Variants in IMMP2L observed in about 807,000 individuals in gnomAD.
The protein encoded by IMMP2L is inner mitochondrial membrane peptidase subunit 2.
A neutral mutation model predicts 19.3 loss-of-function variants in IMMP2L; 18 were observed. The observed-to-expected ratio is 0.93, with a 90% CI of 0.64 to 1.38. IMMP2L has a LOEUF of 1.38. Among genes scored for constraint, IMMP2L ranks in the 40% most tolerant of loss-of-function variants. The pLI is 0.00. For missense variants in IMMP2L, 233 were observed against 218.2 expected, an observed-to-expected ratio of 1.07 and a Z score of -0.43; for synonymous variants, 76 against 73.0, an observed-to-expected ratio of 1.04 and a Z score of -0.21.
intron 5 of IMMP2L, among the ~76,000 whole-genome samples, chr7:110,751,823 C>T (rs747313431): frequency 3.4e-4 from 51 of 151,788 alleles, no homozygotes; most frequent in Admixed American, 9.2e-4. Context: ...TTTAAAAAAA[C>T]CTAATAATAT....
intron 3 of IMMP2L, among the ~76,000 whole-genome samples, chr7:111,099,117 TATC>T (rs1228198791): frequency 6.6e-6 from 1 of 151,714 alleles, no homozygotes; most frequent in Admixed American, 6.6e-5. Flanking sequence ...TAACTTCCTC[TATC>T]ATCATTTTTC....
At chr7:111,441,143 T>C (rs757206411) in intron 3 of IMMP2L, among the ~76,000 whole-genome samples, 3 of 151,900 alleles carry the variant, frequency 2.0e-5, no homozygotes, top group Non-Finnish European at 4.4e-5. Context: ...TATTTCACTT[T>C]CTCATCATCC....
At chr7:111,359,325 A>G (rs1829032365) in intron 3 of IMMP2L, among the ~76,000 whole-genome samples, 1 of 152,030 alleles carries the variant, frequency 6.6e-6, no homozygotes, top group Non-Finnish European at 1.5e-5. Context: ...TTAATGAGAC[A>G]GAGTCTCTCT....
chr7:110,802,059 A>G (rs768029572), intron 5 of IMMP2L, among the ~76,000 whole-genome samples: 7 of 152,068 alleles, frequency 4.6e-5, no homozygotes, highest in Non-Finnish European at 8.8e-5. Context: ...TTTACAACAT[A>G]TATTCTTTGC....
chr7:111,127,806 C>A (rs548973204), intron 3 of IMMP2L, among the ~76,000 whole-genome samples: 7 of 152,186 alleles, frequency 4.6e-5, no homozygotes, highest in Non-Finnish European at 8.8e-5. Flanking sequence ...GAGAAAAACA[C>A]CTTGGCACAA....
At chr7:110,921,251 A>G (rs991540851) in intron 4 of IMMP2L, among the ~76,000 whole-genome samples, 2 of 152,274 alleles carry the variant, frequency 1.3e-5, no homozygotes, top group Non-Finnish European at 2.9e-5. Flanking sequence ...TCCACACTTC[A>G]CTGTTTTAAA....
At chr7:110,992,577 A>G (rs1307986650) in intron 3 of IMMP2L, among the ~76,000 whole-genome samples, 1 of 151,756 alleles carries the variant, frequency 6.6e-6, no homozygotes, top group Non-Finnish European at 1.5e-5. Context: ...TTACTTTCTT[A>G]AAAAATACCT....
chr7:111,296,120 T>C (rs1453854509), intron 3 of IMMP2L, among the ~76,000 whole-genome samples: 1 of 151,692 alleles, frequency 6.6e-6, no homozygotes, highest in Non-Finnish European at 1.5e-5. Context: ...GGAGAAAATA[T>C]TTGCAATAAG....
chr7:110,705,638 T>C (rs1328892009), intron 5 of IMMP2L, among the ~76,000 whole-genome samples: 1 of 152,080 alleles, frequency 6.6e-6, no homozygotes, highest in African/African-American at 2.4e-5. Flanking sequence ...CATGGGTGTA[T>C]TGCATGATGC....
chr7:110,677,506 A>G (rs2130405707), intron 5 of IMMP2L, among the ~76,000 whole-genome samples: 1 of 152,300 alleles, frequency 6.6e-6, no homozygotes, highest in East Asian at 1.9e-4. Flanking sequence ...TCTACACAGC[A>G]TACAGAACGG....
chr7:111,398,485 A>C (rs965241308), intron 3 of IMMP2L, among the ~76,000 whole-genome samples: 24 of 152,118 alleles, frequency 1.6e-4, no homozygotes, highest in African/African-American at 5.3e-4. Context: ...CAATGTAATA[A>C]AAGCCATTTA....
At chr7:110,754,056 C>A (rs1416895828) in intron 5 of IMMP2L, among the ~76,000 whole-genome samples, 1 of 151,914 alleles carries the variant, frequency 6.6e-6, no homozygotes, top group Non-Finnish European at 1.5e-5. Flanking sequence ...CAAAGAAATT[C>A]TTCGATTATC....
chr7:111,547,116 G>T (rs557585938), intron 1 of IMMP2L, among the ~76,000 whole-genome samples: 5 of 152,164 alleles, frequency 3.3e-5, no homozygotes, highest in East Asian at 1.9e-4. Context: ...GGTCAGAGAA[G>T]AATTTTACAA....
At chr7:110,854,710 G>A (rs763633410) in intron 5 of IMMP2L, among the ~76,000 whole-genome samples, 3 of 151,900 alleles carry the variant, frequency 2.0e-5, no homozygotes, top group Admixed American at 1.3e-4. Context: ...CATACAAAGA[G>A]GTTTTCATTC....
intron 2 of IMMP2L, among the ~76,000 whole-genome samples, chr7:111,512,628 C>T (rs1283820207): frequency 6.6e-6 from 1 of 152,018 alleles, no homozygotes; most frequent in African/African-American, 2.4e-5. Flanking sequence ...TCATATGGAA[C>T]CACAAAAGAC....
At chr7:110,967,084 G>A (rs751746224) in intron 3 of IMMP2L, among the ~76,000 whole-genome samples, 8 of 151,960 alleles carry the variant, frequency 5.3e-5, no homozygotes, top group Admixed American at 6.6e-5. Flanking sequence ...GATTTAATTT[G>A]GCAAGATTTC....
intron 5 of IMMP2L, among the ~76,000 whole-genome samples, chr7:110,853,086 T>C (rs577494002): frequency 6.6e-6 from 1 of 152,078 alleles, no homozygotes; most frequent in East Asian, 1.9e-4. Flanking sequence ...CTAAACAAAA[T>C]GTATAACTTG....
chr7:111,271,169 G>A lies in IMMP2L; in HGVS notation c.239+216069C>T, dbSNP rs1018120830. Among the ~76,000 whole-genome samples, 6 of 151,960 alleles carry A rather than the reference G, an allele frequency of 3.9e-5. No individual in the cohort carries two copies. In the East Asian group the frequency reaches 1.2e-3, roughly 29 times the overall value. Reference sequence around the variant, plus strand: ...TAAGGGGTTTTTCCCCCTTTTGCTTGGCACTTCTCCTTCCTGTTGCCATAT... The same window carrying A: ...TAAGGGGTTTTTCCCCCTTTTGCTTAGCACTTCTCCTTCCTGTTGCCATAT... On this transcript the variant is annotated intron_variant, in intron 3 of 5. Coordinates refer to ENST00000405709, the MANE Select transcript of IMMP2L (RefSeq NM_032549.4).
At chr7:111,349,400 C>A (rs1827908006) in intron 3 of IMMP2L, among the ~76,000 whole-genome samples, 1 of 151,942 alleles carries the variant, frequency 6.6e-6, no homozygotes, top group African/African-American at 2.4e-5. Context: ...ATATACCTCA[C>A]TATGGAAAAA....
Sources: allele counts gnomAD v4.1 joint callset (sites outside exome capture counted in the v4.1 genomes callset), GRCh38; gene constraint gnomAD v4.1.1; transcripts MANE v1.5; gene names NCBI Gene and HGNC (gene_info 2026-07-23, HGNC 2026-07-21).